The following SLC16A9 variants were observed in gnomAD, a reference collection of about 807,000 sequenced individuals.
SLC16A9 encodes monocarboxylate transporter 9.
A neutral mutation model predicts 44.3 loss-of-function variants in SLC16A9; 26 were observed. The ratio of observed to expected loss-of-function variants is 0.59; its 90% CI spans 0.43 to 0.81. The LOEUF (loss-of-function observed/expected upper bound fraction) is 0.81, where lower values mean the gene tolerates loss of function less well. SLC16A9 is among the 40% of genes least tolerant of loss of function. The probability of loss-of-function intolerance (pLI) is 0.00; values close to 1 mark genes in which losing one functional copy is unlikely to be tolerated. For missense variants in SLC16A9, 559 were observed against 595.8 expected (o/e 0.94, Z 0.64); for synonymous variants, 230 against 225.1 (o/e 1.02, Z -0.19).
chr10:59,709,980 G>A (rs1462319685), upstream of SLC16A9: 3 of 151,032 alleles, frequency 2.0e-5, no homozygotes, highest in Non-Finnish European at 4.4e-5. Flanking sequence ...GGAGTAGGGA[G>A]GGCACTGCCC....
chr10:59,654,642 A>C (rs1839309229), intron 4 of SLC16A9, 53 bp from the exon 5 acceptor site: 1 of 1,407,964 alleles, frequency 7.1e-7, no homozygotes, highest in Non-Finnish European at 9.4e-7. Context: ...TCTCAGGATT[A>C]GAATTTGTAA....
chr10:59,652,013 G>C lies in SLC16A9; in HGVS notation c.*759C>G, dbSNP rs537514065. ...CCAGGAAACATCAGCTGAGTGGATG[G>C]CCAAGAAGCAAAAGTGAGCAAGGTT... On this transcript the variant is annotated 3_prime_UTR_variant, in exon 6 of 6. Transcript: ENST00000395348. 1 of 152,246 alleles carries C rather than the reference G, an allele frequency of 6.6e-6. No individual in the cohort carries two copies. Among genetic ancestry groups the C allele is most frequent in the Admixed American group, 6.5e-5 (1 of 15,298 alleles). 9.4% of individuals were successfully genotyped at this position (152,246 alleles called of 1,614,324 possible).
chr10:59,687,113 C>T (rs1840151950), intron 1 of SLC16A9, among the ~76,000 whole-genome samples: 1 of 152,200 alleles, frequency 6.6e-6, no homozygotes, highest in Non-Finnish European at 1.5e-5. Flanking sequence ...CCATGTTGGC[C>T]AGGCTGGTCT....
chr10:59,660,179 G>GA (rs1839439121), intron 4 of SLC16A9, among the ~76,000 whole-genome samples: 2 of 151,970 alleles, frequency 1.3e-5, no homozygotes, highest in African/African-American at 4.8e-5. Flanking sequence ...ATAGAGACAT[G>GA]AAAAATCCTT....
chr10:59,690,343 T>C (rs1840225909), intron 1 of SLC16A9, among the ~76,000 whole-genome samples: 1 of 152,226 alleles, frequency 6.6e-6, no homozygotes, highest in South Asian at 2.1e-4. Context: ...GAAGGTAAGA[T>C]ATGTGTACAT....
intron 4 of SLC16A9, among the ~76,000 whole-genome samples, chr10:59,659,596 C>T (rs1049745858): frequency 6.6e-6 from 1 of 152,024 alleles, no homozygotes; most frequent in Admixed American, 6.5e-5. Context: ...ATCAATGAGA[C>T]AGAAAATTAA....
intron 4 of SLC16A9, among the ~76,000 whole-genome samples, chr10:59,658,428 C>T (rs1381809373): frequency 1.3e-5 from 2 of 152,104 alleles, no homozygotes; most frequent in East Asian, 1.9e-4. Flanking sequence ...ACTATTATCC[C>T]CAGTTTACAG....
rs1170258755 is a variant in SLC16A9 at position 59,707,203 on chromosome 10, A to AAG, written c.-37+2274_-37+2275dup. Reference sequence around the variant, plus strand: ...TGAAGTCGAGGCTGCAGTGAGAAGAAAGAGAGAGAGAGAAGAGAGAGAAGA... The same window carrying AAG: ...TGAAGTCGAGGCTGCAGTGAGAAGAAAGAGAGAGAGAGAGAAGAGAGAGAAGA... On this transcript the variant is annotated intron_variant, in intron 1 of 5. Transcript: ENST00000395348. 4.1e-5 allele frequency among the ~76,000 whole-genome samples: 6 copies of AAG among 147,038 alleles called. No homozygotes were observed. The South Asian group carries it at 6.8e-4, about 17-fold the overall frequency.
At chr10:59,658,638 C>T (rs1036086941) in intron 4 of SLC16A9, among the ~76,000 whole-genome samples, 1 of 152,152 alleles carries the variant, frequency 6.6e-6, no homozygotes, top group East Asian at 1.9e-4. Context: ...ACAGTCCTTC[C>T]CACACTTGTG....
chr10:59,653,866 C>T lies in SLC16A9; in HGVS notation c.1160G>A (p.Cys387Tyr). The T allele has an allele frequency of 6.2e-7, 1 of 1,614,120 alleles. No homozygotes were observed. The highest frequency in any genetic ancestry group is 8.5e-7 in the Non-Finnish European group (1 of 1,180,028). Residue 387 changes from cysteine (C) to tyrosine (Y), a missense_variant, in exon 5 of 6, where the codon TGT becomes TAT. Physicochemically the swap from Cys to Tyr is radical, Grantham distance 194. Coordinates refer to ENST00000395348, the MANE Select transcript of SLC16A9 (RefSeq NM_194298.3). ...ATAGCTTTTGGCAAATGGAATTGCA[C>T]ACAAGGCTAGGCCCATGATGATTAA... ...ATLIIMGLALCAIPFAKSYVT... is the reference protein window; with the variant it reads ...ATLIIMGLALYAIPFAKSYVT...
At chr10:59,685,185 TGA>T (rs1209414296) in intron 1 of SLC16A9, among the ~76,000 whole-genome samples, 7 of 152,232 alleles carry the variant, frequency 4.6e-5, no homozygotes, top group Admixed American at 3.3e-4. Flanking sequence ...CATAACATCC[TGA>T]GAGATTTTTC....
intron 1 of SLC16A9, among the ~76,000 whole-genome samples, chr10:59,694,397 G>A (rs1164079125): frequency 6.6e-6 from 1 of 152,036 alleles, no homozygotes; most frequent in African/African-American, 2.4e-5. Flanking sequence ...TGAAAATCAA[G>A]GTTTCGATTA....
Position 59,652,786 on chromosome 10 carries a change from C to T in SLC16A9, c.1516G>A (p.Ala506Thr). The change falls in exon 6 of 6, where the codon GCC (alanine) becomes ACC (threonine). Residue 506 changes from alanine (A) to threonine (T), a missense_variant. Physicochemically the swap from Ala to Thr is moderately conservative, Grantham distance 58 (BLOSUM62 0). Transcript: ENST00000395348. ...CCAATATTCTTCTAAACATTAGAGG[C>T]AACTTTGTACAAGAAAGTTGTTGGA... ...PAPTTFLYKVASNV is the reference protein window; with the variant it reads ...PAPTTFLYKVTSNV 4.3e-6 allele frequency: 7 copies of T among 1,610,442 alleles called. No homozygotes were observed. Among genetic ancestry groups the T allele is most frequent in the Non-Finnish European group, 5.9e-6 (7 of 1,178,920 alleles).
intron 1 of SLC16A9, among the ~76,000 whole-genome samples, chr10:59,698,064 A>C (rs1190728835): frequency 6.6e-6 from 1 of 152,098 alleles, no homozygotes; most frequent in Non-Finnish European, 1.5e-5. Context: ...AAGAATCTGG[A>C]ACTTAAGGGA....
intron 2 of SLC16A9, among the ~76,000 whole-genome samples, chr10:59,673,779 G>A (rs188188396): frequency 5.9e-5 from 9 of 152,284 alleles, no homozygotes; most frequent in Non-Finnish European, 1.3e-4. Context: ...TCAATTCTAT[G>A]TGGAATTCAA....
chr10:59,696,256 C>T (rs541209492), intron 1 of SLC16A9, among the ~76,000 whole-genome samples: 1 of 152,212 alleles, frequency 6.6e-6, no homozygotes, highest in Non-Finnish European at 1.5e-5. Flanking sequence ...GGCGCGGGCC[C>T]CCACGCCTGA....
chr10:59,694,811 TATATATAC>T (rs1400629428), intron 1 of SLC16A9, among the ~76,000 whole-genome samples: 1 of 41,278 alleles, frequency 2.4e-5, no homozygotes, highest in Non-Finnish European at 6.3e-5. Flanking sequence ...AATATATATA[TATATATAC>T]ACACACACAC....
In SLC16A9 at chr10:59,652,699, T is replaced by C. The variant is rs1767315645; in HGVS notation, c.*73A>G. 7.3e-7 allele frequency: 1 copy of C among 1,371,306 alleles called. No individual in the cohort carries two copies. Among genetic ancestry groups the C allele is most frequent in the Non-Finnish European group, 9.8e-7 (1 of 1,021,406 alleles). The allele number at this position is 1,371,306 out of a possible 1,614,324, so 84.9% of individuals were successfully genotyped here. ...GAAAATAGTCTTGACTCTAGAAAAT[T>C]TGCTTGAGAATCTGTTAAAATATCG... On this transcript the variant is annotated 3_prime_UTR_variant, in exon 6 of 6. Coordinates refer to ENST00000395348, the MANE Select transcript of SLC16A9 (RefSeq NM_194298.3).
intron 1 of SLC16A9, among the ~76,000 whole-genome samples, chr10:59,697,289 A>C (rs1166942734): frequency 2.0e-5 from 3 of 151,272 alleles, no homozygotes; most frequent in Non-Finnish European, 4.4e-5. Context: ...GTGGAATAGA[A>C]AGGGGGGAAA....
Sources: allele counts gnomAD v4.1 joint callset (sites outside exome capture counted in the v4.1 genomes callset), GRCh38; gene constraint gnomAD v4.1.1; transcripts MANE v1.5; gene names NCBI Gene and HGNC (gene_info 2026-07-23, HGNC 2026-07-21).